Variants in NPAS3 observed in about 807,000 individuals in gnomAD.
NPAS3 encodes neuronal PAS domain-containing protein 3.
NPAS3 carries 14 observed loss-of-function variants against 73.1 expected under a neutral mutation model. The observed-to-expected ratio is 0.19, with a 90% CI of 0.13 to 0.30. The LOEUF (loss-of-function observed/expected upper bound fraction) is 0.30. Ranked by LOEUF, NPAS3 falls within the 10% of genes least tolerant of loss-of-function variation. The probability of loss-of-function intolerance (pLI) is 1.00; values close to 1 mark genes in which losing one functional copy is unlikely to be tolerated. For synonymous variants in NPAS3, 620 were observed against 541.5 expected (o/e 1.14, Z -2.01); for missense variants, 1,096 against 1,250.0 (o/e 0.88, Z 1.86).
At chr14:33,616,607 G>T (rs1028812689) in intron 5 of NPAS3, among the ~76,000 whole-genome samples, 1 of 152,180 alleles carries the variant, frequency 6.6e-6, no homozygotes. Flanking sequence ...TTGCCTTAGT[G>T]AGGAGAGTGA....
In NPAS3 at chr14:33,774,346, A is replaced by G. The variant is rs145525562; in HGVS notation, c.862A>G (p.Ile288Val). ...TAATGTTGTTTTACAGGTGATTCAC[A>G]TAACAGGCCGGCTACGCCTGAGAGT... The change falls in exon 8 of 12, where the codon ATA becomes GTA. Residue 288 changes from isoleucine (I) to valine (V), a missense_variant. This residue lies in a region of NPAS3 where 215 missense variants were observed against 260.0 expected (regional missense o/e 0.83). Transcript: ENST00000356141. The G allele has an allele frequency of 1.1e-5, 17 of 1,613,510 alleles. No homozygotes were observed. Among genetic ancestry groups the G allele is most frequent in the Admixed American group, 5.0e-5 (3 of 59,984 alleles).
chr14:33,545,844 C>T (rs1374202396), intron 4 of NPAS3, among the ~76,000 whole-genome samples: 2 of 152,166 alleles, frequency 1.3e-5, no homozygotes, highest in Non-Finnish European at 2.9e-5. Flanking sequence ...GATCTGTGAG[C>T]CATAAGATAT....
chr14:33,558,266 C>CTT (rs1222683330), intron 4 of NPAS3, among the ~76,000 whole-genome samples: 4 of 146,234 alleles, frequency 2.7e-5, no homozygotes, highest in African/African-American at 7.5e-5. Flanking sequence ...GGAAAATTCA[C>CTT]TTTTTTTTTT....
At chr14:33,383,577 T>G (rs1007331557) in intron 4 of NPAS3, among the ~76,000 whole-genome samples, 1 of 152,196 alleles carries the variant, frequency 6.6e-6, no homozygotes, top group Non-Finnish European at 1.5e-5. Flanking sequence ...CCCCTTAATT[T>G]TCTGATTACT....
intron 4 of NPAS3, among the ~76,000 whole-genome samples, chr14:33,444,989 A>G (rs2049420380): frequency 6.6e-6 from 1 of 152,242 alleles, no homozygotes; most frequent in African/African-American, 2.4e-5. Context: ...CTCTCACAGC[A>G]ACTTAAGTAT....
chr14:33,679,664 T>C (rs776008252), intron 6 of NPAS3, among the ~76,000 whole-genome samples: 3 of 152,166 alleles, frequency 2.0e-5, no homozygotes, highest in Non-Finnish European at 4.4e-5. Context: ...ATGTGTTCAG[T>C]GTAGCATTAC....
intron 4 of NPAS3, among the ~76,000 whole-genome samples, chr14:33,419,255 T>G (rs2048276141): frequency 6.6e-6 from 1 of 151,844 alleles, no homozygotes; most frequent in South Asian, 2.1e-4. Context: ...GAAAGAGTAA[T>G]AGCTAACATT....
At chr14:33,235,805 C>T (rs1288991186) in intron 3 of NPAS3, among the ~76,000 whole-genome samples, 169 of 80,586 alleles carry the variant, frequency 2.1e-3, no homozygotes, top group South Asian at 8.5e-3. Flanking sequence ...TGATACAATT[C>T]TTTTTTTTTT....
chr14:33,162,317 A>AT (rs1003776025), intron 2 of NPAS3, among the ~76,000 whole-genome samples: 4 of 151,904 alleles, frequency 2.6e-5, no homozygotes, highest in Admixed American at 2.0e-4. Flanking sequence ...CCTCTACTTC[A>AT]TTTTTTTCTC....
At chr14:33,645,049 C>G (rs1323012664) in intron 5 of NPAS3, among the ~76,000 whole-genome samples, 1 of 150,454 alleles carries the variant, frequency 6.6e-6, no homozygotes, top group Non-Finnish European at 1.5e-5. Flanking sequence ...CCACCACACT[C>G]CAGCCTGGGC....
intron 3 of NPAS3, among the ~76,000 whole-genome samples, chr14:33,343,559 A>G (rs377472163): frequency 2.6e-4 from 40 of 152,282 alleles, no homozygotes; most frequent in African/African-American, 5.1e-4. Context: ...GGCATTCATG[A>G]CAAGGGATAT....
chr14:33,176,224 T>C (rs983875432), intron 2 of NPAS3, among the ~76,000 whole-genome samples: 6 of 152,234 alleles, frequency 3.9e-5, no homozygotes, highest in African/African-American at 1.4e-4. Context: ...GTGGTAAAGA[T>C]ACATAACATA....
At chr14:33,496,219 C>A (rs2052178825) in intron 4 of NPAS3, among the ~76,000 whole-genome samples, 1 of 151,750 alleles carries the variant, frequency 6.6e-6, no homozygotes, top group African/African-American at 2.4e-5. Context: ...GCCTACCAAC[C>A]AAAAAAAGTC....
At chr14:33,799,812 A>T in exon 12 of NPAS3, 2 of 1,613,892 alleles carry the variant, frequency 1.2e-6, no homozygotes, top group Non-Finnish European at 8.5e-7. Context: ...GACCGGAAGA[A>T]GTCGGGCAAC....
chr14:33,629,856 TG>T (rs1418282508), intron 5 of NPAS3, among the ~76,000 whole-genome samples: 1 of 152,140 alleles, frequency 6.6e-6, no homozygotes, highest in Non-Finnish European at 1.5e-5. Flanking sequence ...CAAATTCAAG[TG>T]ATGATAGATA....
At chr14:33,642,379 G>T (rs1333850411) in intron 5 of NPAS3, among the ~76,000 whole-genome samples, 1 of 152,128 alleles carries the variant, frequency 6.6e-6, no homozygotes, top group Non-Finnish European at 1.5e-5. Context: ...TTCAGCAAGC[G>T]GCAATAGATA....
intron 4 of NPAS3, among the ~76,000 whole-genome samples, chr14:33,458,843 G>C (rs558708698): frequency 6.6e-6 from 1 of 152,092 alleles, no homozygotes; most frequent in African/African-American, 2.4e-5. Flanking sequence ...ACAGGAAAGG[G>C]GTCCCGATCC....
intron 3 of NPAS3, among the ~76,000 whole-genome samples, chr14:33,252,072 TG>T (rs2048607242): frequency 2.6e-5 from 4 of 151,308 alleles, no homozygotes; most frequent in African/African-American, 7.3e-5. Context: ...TGTGTGTGTG[TG>T]TGTGTGTGTG....
At chr14:33,031,420 C>T (rs1338081487) in intron 1 of NPAS3, among the ~76,000 whole-genome samples, 2 of 152,164 alleles carry the variant, frequency 1.3e-5, no homozygotes, top group African/African-American at 2.4e-5. Flanking sequence ...GTCCAGACTC[C>T]AAGTTCAGTT....
Sources: allele counts gnomAD v4.1 joint callset (sites outside exome capture counted in the v4.1 genomes callset), GRCh38; gene constraint gnomAD v4.1.1; regional missense constraint gnomAD v4.1.1; transcripts MANE v1.5; gene names NCBI Gene and HGNC (gene_info 2026-07-23, HGNC 2026-07-21).